Variants in LIMK2 observed in about 807,000 individuals in gnomAD.
The protein encoded by LIMK2 is LIM domain kinase 2.
In LIMK2, 35 loss-of-function variants were observed where a neutral mutation model predicts 75.7. The observed-to-expected ratio is 0.46, with a 90% CI of 0.35 to 0.61. The LOEUF (loss-of-function observed/expected upper bound fraction) is 0.61, where lower values mean the gene tolerates loss of function less well. Among genes scored for constraint, LIMK2 ranks in the 20% least tolerant of loss-of-function variants. The pLI is 0.00. For missense variants in LIMK2, 623 were observed against 831.0 expected (o/e 0.75, Z 3.08); for synonymous variants, 301 against 319.2 (o/e 0.94, Z 0.61).
In LIMK2 at chr22:31,262,369, C is replaced by T; in HGVS notation, c.657+130C>T. On this transcript the variant is annotated intron_variant, in intron 6 of 15. Coordinates refer to ENST00000331728, the MANE Select transcript of LIMK2 (RefSeq NM_005569.4). The surrounding 1 kb of genome is among the most constrained non-coding windows in gnomAD (Gnocchi z 5.0). ...TGTCTTAGCATTGAGCCTGTGACCA[C>T]TGGTGACCTATTTCAGCGTAACAGG... 2.4e-6 allele frequency: 2 copies of T among 841,980 alleles called. No homozygotes were observed. Among genetic ancestry groups the T allele is most frequent in the Admixed American group, 2.2e-5 (1 of 45,088 alleles). The allele number at this position is 841,980 out of a possible 1,614,324, so 52.2% of individuals were successfully genotyped here.
At chr22:31,237,723 C>G (rs969974478) in intron 2 of LIMK2, among the ~76,000 whole-genome samples, 4 of 152,136 alleles carry the variant, frequency 2.6e-5, no homozygotes, top group African/African-American at 9.7e-5. Flanking sequence ...AGGCAAATGT[C>G]TGCCAGGGCT....
chr22:31,277,085 G>A (rs2049036282), intron 15 of LIMK2: 1 of 1,613,912 alleles, frequency 6.2e-7, no homozygotes. Flanking sequence ...TTCATCTCTG[G>A]CCTGCTGGAC....
At chr22:31,223,825 C>T (rs1377584502) in intron 1 of LIMK2, among the ~76,000 whole-genome samples, 2 of 152,114 alleles carry the variant, frequency 1.3e-5, no homozygotes, top group African/African-American at 4.8e-5. Context: ...ATATATATAT[C>T]CTATTACTGA....
At chr22:31,212,446 C>T in intron 1 of LIMK2, 22 bp downstream of exon 1, 1 of 1,319,786 alleles carries the variant, frequency 7.6e-7, no homozygotes, top group African/African-American at 1.5e-5. Flanking sequence ...CTGCTCCGCC[C>T]TGTCCCGCTG....
rs2049058797 is a variant in LIMK2, at chr22:31,278,889, CGAAA to C, written c.*455_*458del. 1.3e-5 allele frequency: 2 copies of C among 153,660 alleles called. No homozygotes were observed. The highest frequency in any genetic ancestry group is 2.4e-5 in the African/African-American group (1 of 41,462). 9.5% of individuals were successfully genotyped at this position (153,660 alleles called of 1,614,324 possible). The stretch of plus-strand genomic sequence containing the variant: ...TGCAGGAGGACTTCAAGTGTGTGGA[CGAAA>C]GAAAGACTGATGGCTCAAAGGGTGT... On this transcript the variant is annotated 3_prime_UTR_variant, in exon 16 of 16. Transcript: ENST00000331728.
chr22:31,265,259 G>C (rs543022902), intron 7 of LIMK2, among the ~76,000 whole-genome samples: 1 of 149,922 alleles, frequency 6.7e-6, no homozygotes, highest in Non-Finnish European at 1.5e-5. Context: ...CCAGCTACTT[G>C]GGAGGCTGAG....
chr22:31,248,621 G>C, intron 2 of LIMK2: 1 of 1,612,318 alleles, frequency 6.2e-7, no homozygotes, highest in Non-Finnish European at 8.5e-7. Flanking sequence ...AGAGGTGCCG[G>C]GAGCCCCGGG....
intron 2 of LIMK2, 45 bp downstream of exon 2, chr22:31,225,864 A>G (rs2048473108): frequency 3.7e-6 from 5 of 1,349,114 alleles, no homozygotes; most frequent in Non-Finnish European, 5.3e-6. Context: ...ACTATGGGCC[A>G]AGCACTATTT....
intron 1 of LIMK2, among the ~76,000 whole-genome samples, chr22:31,223,250 A>G (rs1049191469): frequency 2.0e-5 from 3 of 152,172 alleles, no homozygotes; most frequent in African/African-American, 4.8e-5. Context: ...GTACTAAAGT[A>G]TGTGTTGATT....
rs1292019313 is a variant in LIMK2, at chr22:31,277,339, G to C, written c.1773-958G>C. ...TTTTTTTATTGTTATTAAACTGATG[G>C]GACTTTGTGTTTTTATATTGACTCT... is the stretch of plus-strand genomic sequence containing the variant. On this transcript the variant is annotated intron_variant, in intron 15 of 15. Transcript: ENST00000331728. 1.1e-5 allele frequency: 16 copies of C among 1,418,100 alleles called. No homozygotes were observed. The East Asian group carries it at 4.2e-4, about 38-fold the overall frequency. The allele number at this position is 1,418,100 out of a possible 1,614,324, so 87.8% of individuals were successfully genotyped here.
At chr22:31,216,562 G>A (rs2048390200) in intron 1 of LIMK2, among the ~76,000 whole-genome samples, 1 of 152,176 alleles carries the variant, frequency 6.6e-6, no homozygotes, top group Non-Finnish European at 1.5e-5. Flanking sequence ...AGGTCTTAGT[G>A]GTAGCAATGA....
chr22:31,261,545 C>CAAAAAAAAAAAAAAAAAAAAA (rs574806431), intron 5 of LIMK2, among the ~76,000 whole-genome samples: 1 of 126,404 alleles, frequency 7.9e-6, no homozygotes, highest in Non-Finnish European at 1.7e-5. Context: ...GACTCCATCT[C>CAAAAAAAAAAAAAAAAAAAAA]AAAAAAAAAA....
intron 1 of LIMK2, among the ~76,000 whole-genome samples, chr22:31,217,472 A>G (rs2048398160): frequency 6.6e-6 from 1 of 151,750 alleles, no homozygotes; most frequent in Non-Finnish European, 1.5e-5. Flanking sequence ...TTAGCTGAGT[A>G]TTTCAGTTTC....
At chr22:31,219,504 T>C (rs1024317613) in intron 1 of LIMK2, among the ~76,000 whole-genome samples, 1 of 152,212 alleles carries the variant, frequency 6.6e-6, no homozygotes, top group Non-Finnish European at 1.5e-5. Context: ...ATAAGGGTCC[T>C]TTATTGTTTG....
chr22:31,230,056 C>CTTTTTTT (rs33933239), intron 2 of LIMK2: 7 of 120,816 alleles, frequency 5.8e-5, no homozygotes, highest in African/African-American at 9.2e-5. Flanking sequence ...TTCTTTCTTT[C>CTTTTTTT]TTTTTTTTTT....
rs944904369 is a variant in LIMK2, at chr22:31,212,304, C to G, written c.-105C>G. 2.4e-6 allele frequency: 3 copies of G among 1,227,586 alleles called. No individual in the cohort carries two copies. Among genetic ancestry groups the G allele is most frequent in the South Asian group, 3.6e-5 (1 of 27,574 alleles). 76.0% of individuals were successfully genotyped at this position (1,227,586 alleles called of 1,614,324 possible). ...GTTCGCGCCTGGGGCTGTGGTCTTC[C>G]CGCGCCTGAGGCGGCGGCGGCAGGA... is the stretch of plus-strand genomic sequence containing the variant. On this transcript the variant is annotated 5_prime_UTR_variant, in exon 1 of 16. Coordinates refer to ENST00000331728, the MANE Select transcript of LIMK2 (RefSeq NM_005569.4).
At chr22:31,273,112 T>A in intron 13 of LIMK2, 2 of 874,292 alleles carry the variant, frequency 2.3e-6, no homozygotes, top group Non-Finnish European at 2.7e-6. Flanking sequence ...CTGAATACAA[T>A]CCATTTTGGA....
At chr22:31,272,422 A>G (rs2048968260) in intron 12 of LIMK2, 108 bp from the exon 13 acceptor site, 4 of 1,037,172 alleles carry the variant, frequency 3.9e-6, no homozygotes, top group Non-Finnish European at 5.6e-6. Flanking sequence ...CTCCCTTGCT[A>G]TACACCTTTT....
At chr22:31,215,352 A>G (rs2048381201) in intron 1 of LIMK2, among the ~76,000 whole-genome samples, 1 of 152,250 alleles carries the variant, frequency 6.6e-6, no homozygotes, top group South Asian at 2.1e-4. Context: ...ATCGATAACA[A>G]ATCAAATATT....
Sources: allele counts gnomAD v4.1 joint callset (sites outside exome capture counted in the v4.1 genomes callset), GRCh38; gene constraint gnomAD v4.1.1; non-coding constraint Gnocchi (gnomAD v3.1); transcripts MANE v1.5; gene names NCBI Gene and HGNC (gene_info 2026-07-23, HGNC 2026-07-21).